The following SLC30A7 variants were observed in gnomAD, a reference collection of about 807,000 sequenced individuals.
SLC30A7 encodes solute carrier family 30 member 7.
SLC30A7 carries 35 observed loss-of-function variants against 46.0 expected under a neutral mutation model. The observed-to-expected ratio is 0.76, with a 90% CI of 0.58 to 1.01. The LOEUF (loss-of-function observed/expected upper bound fraction) is 1.01, where lower values mean the gene tolerates loss of function less well. Among genes scored for constraint, SLC30A7 ranks in the 50% least tolerant of loss-of-function variants. SLC30A7 has a pLI of 0.00. For synonymous variants in SLC30A7, 147 were observed against 157.8 expected, an observed-to-expected ratio of 0.93 and a Z score of 0.51; for missense variants, 464 against 451.1, an observed-to-expected ratio of 1.03 and a Z score of -0.26.
At chr1:100,911,545 T>A (rs79793972) in intron 4 of SLC30A7, among the ~76,000 whole-genome samples, 5,708 of 152,194 alleles carry the variant, frequency 0.038, 356 homozygotes, top group African/African-American at 0.13. Flanking sequence ...GTATTTTTTT[T>A]AATTTTTTAT....
chr1:100,985,364 A>G (rs1462835618), downstream of SLC30A7, among the ~76,000 whole-genome samples: 3 of 152,220 alleles, frequency 2.0e-5, no homozygotes, highest in Non-Finnish European at 4.4e-5. Context: ...TATCCACACC[A>G]TCTCAAACAA....
chr1:100,943,549 A>G (rs762743957), intron 8 of SLC30A7, among the ~76,000 whole-genome samples: 4 of 150,616 alleles, frequency 2.7e-5, no homozygotes, highest in Non-Finnish European at 4.4e-5. Flanking sequence ...CGCTCTCCCT[A>G]TCTGGATCTT....
At chr1:100,951,911 T>C (rs773548214) in intron 8 of SLC30A7, among the ~76,000 whole-genome samples, 62 of 152,312 alleles carry the variant, frequency 4.1e-4, no homozygotes, top group Non-Finnish European at 6.0e-4. Flanking sequence ...TGGGAGATTA[T>C]TCTGTATTAT....
intron 1 of SLC30A7, 78 bp downstream of exon 1, chr1:100,896,420 CCAGTGAG>C: frequency 6.6e-7 from 1 of 1,520,754 alleles, no homozygotes; most frequent in East Asian, 2.3e-5. Flanking sequence ...GGCCCGAGGT[CCAGTGAG>C]GGAGAGTCAA....
chr1:100,981,166 T>A lies in SLC30A7; in HGVS notation c.*6309T>A, dbSNP rs1390373276. ...AGAATTTTAATATTTGAATTTTGTTTATGTATCACATACTGTGCTACAGTT... is the reference window on the plus strand; with the variant it reads ...AGAATTTTAATATTTGAATTTTGTTAATGTATCACATACTGTGCTACAGTT... On this transcript the variant is annotated 3_prime_UTR_variant, in exon 11 of 11. Transcript: ENST00000357650. 6.6e-6 allele frequency: 1 copy of A among 152,144 alleles called. No individual in the cohort carries two copies. The highest frequency in any genetic ancestry group is 1.5e-5 in the Non-Finnish European group (1 of 67,980). The allele number at this position is 152,144 out of a possible 1,614,324, so 9.4% of individuals were successfully genotyped here. A position where few individuals can be genotyped will look rare whatever the true frequency, so the allele number is the denominator to read the frequency against.
chr1:100,991,812 G>A, the SLC30A7 span, among the ~76,000 whole-genome samples: 1 of 115,590 alleles, frequency 8.7e-6, no homozygotes, highest in Admixed American at 8.1e-5. Flanking sequence ...AAGTCTCACA[G>A]TGGGCCAGGC....
In SLC30A7 at chr1:100,896,281, A is replaced by G. The variant is rs1334036589; in HGVS notation, c.19A>G (p.Lys7Glu). The change falls in exon 1 of 11, where the codon AAA becomes GAA. Residue 7 changes from lysine to glutamate, a missense_variant. Lys to Glu is a moderately conservative substitution (Grantham distance 56). Transcript: ENST00000357650. ...AGAGAAGATGTTGCCCCTGTCCATCAAAGACGATGAATACAAACCACCCAA... is the reference window on the plus strand; with the variant it reads ...AGAGAAGATGTTGCCCCTGTCCATCGAAGACGATGAATACAAACCACCCAA... The part of the protein sequence containing the change: MLPLSI[K>E]DDEYKPPKFN... 2 of 1,614,200 alleles carry G rather than the reference A, an allele frequency of 1.2e-6. No individual in the cohort carries two copies. The highest frequency in any genetic ancestry group is 1.7e-6 in the Non-Finnish European group (2 of 1,180,046).
chr1:100,940,477 C>A (rs975616003), intron 8 of SLC30A7, among the ~76,000 whole-genome samples: 2 of 152,034 alleles, frequency 1.3e-5, no homozygotes, highest in African/African-American at 4.8e-5. Flanking sequence ...AGTCACAAGA[C>A]ACAATAAATT....
intron 8 of SLC30A7, among the ~76,000 whole-genome samples, chr1:100,951,948 G>A (rs993555609): frequency 1.3e-5 from 2 of 152,156 alleles, no homozygotes; most frequent in Non-Finnish European, 2.9e-5. Flanking sequence ...TAATAAAAAA[G>A]GGATCTTAAA....
chr1:100,900,103 G>A (rs1651211720), intron 2 of SLC30A7, among the ~76,000 whole-genome samples: 3 of 152,134 alleles, frequency 2.0e-5, no homozygotes, highest in African/African-American at 7.2e-5. Flanking sequence ...GAGCAGCAGA[G>A]CCTACAGCAC....
Position 100,921,842 on chromosome 1 carries a change from G to C in SLC30A7, c.842+1G>C. ...TTATAGCCATTCTTATAGTTGTAAG[G>C]TAAGTGTTATTGTTACTTTCAAGTA... On this transcript the variant is annotated splice_donor_variant, in intron 8 of 10. Transcript: ENST00000357650. LOFTEE classifies it high-confidence loss of function. 6.2e-7 allele frequency: 1 copy of C among 1,609,570 alleles called. No individual in the cohort carries two copies. The highest frequency in any genetic ancestry group is 2.2e-5 in the East Asian group (1 of 44,686).
intron 10 of SLC30A7, among the ~76,000 whole-genome samples, chr1:100,971,186 G>A (rs1259760820): frequency 6.6e-6 from 1 of 152,082 alleles, no homozygotes; most frequent in Non-Finnish European, 1.5e-5. Flanking sequence ...GATACTTTCT[G>A]CCTCCGTAAA....
At chr1:100,974,779 T>C (rs747284194) in intron 10 of SLC30A7, 31 bp from the exon 11 acceptor site, 11 of 1,561,122 alleles carry the variant, frequency 7.0e-6, no homozygotes, top group Non-Finnish European at 8.7e-6. Flanking sequence ...GCTTGTTAGA[T>C]TTTCTAACTT....
At chr1:100,981,834 G>C (rs1656953985), downstream of SLC30A7, 1 of 152,110 alleles carries the variant, frequency 6.6e-6, no homozygotes, top group Admixed American at 6.5e-5. Context: ...AGATACTAGA[G>C]GACTTAAGGA....
At chr1:100,944,768 C>T (rs1221128958) in intron 8 of SLC30A7, among the ~76,000 whole-genome samples, 6 of 151,306 alleles carry the variant, frequency 4.0e-5, no homozygotes, top group South Asian at 4.2e-4. Context: ...AATAAACATA[C>T]GTGTGCATGT....
chr1:100,923,567 C>A (rs796684547), intron 8 of SLC30A7, among the ~76,000 whole-genome samples: 2 of 152,088 alleles, frequency 1.3e-5, no homozygotes, highest in African/African-American at 4.8e-5. Flanking sequence ...TGTTTGAGGC[C>A]AGGAGTATAA....
At chr1:100,970,554 C>G (rs993953343) in intron 10 of SLC30A7, among the ~76,000 whole-genome samples, 3 of 151,614 alleles carry the variant, frequency 2.0e-5, no homozygotes, top group Admixed American at 6.6e-5. Flanking sequence ...TTTTAAAGTA[C>G]CAGGTTTTCT....
rs1406790095 is a variant in SLC30A7, at chr1:100,898,907, AGAATTTTTTTCCT to A, written c.182+2237_182+2249del. ...ACTTGTTGAGAACATGAAATAACCA[AGAATTTTTTTCCT>A]ATAGAGGACTGAAACGTGAATAAAA... On this transcript the variant is annotated intron_variant, in intron 2 of 10. Transcript: ENST00000357650. 9.8e-5 allele frequency among the ~76,000 whole-genome samples: 15 copies of A among 152,342 alleles called. No homozygotes were observed. In the East Asian group the frequency reaches 2.9e-3, roughly 29 times the overall value.
the SLC30A7 span, chr1:100,995,112 G>A: frequency 6.4e-7 from 1 of 1,572,040 alleles, no homozygotes; most frequent in Non-Finnish European, 8.7e-7. Context: ...TAACTTACTT[G>A]ATTAGATTTT....
Sources: gnomAD v4.1 joint callset for allele counts (sites outside exome capture counted in the v4.1 genomes callset) on GRCh38, gnomAD v4.1.1 for gene constraint, MANE v1.5 for transcripts, NCBI Gene and HGNC (gene_info 2026-07-23, HGNC 2026-07-21) for gene names.